Variants in CCSER1 observed in about 807,000 individuals in gnomAD.
CCSER1 encodes serine-rich coiled-coil domain-containing protein 1.
CCSER1 carries 41 observed loss-of-function variants against 82.0 expected under a neutral mutation model. That is an observed-to-expected ratio of 0.50 (90% CI 0.39 to 0.65). The LOEUF (loss-of-function observed/expected upper bound fraction) is 0.65. Among genes scored for constraint, CCSER1 ranks in the 30% least tolerant of loss-of-function variants. CCSER1 has a pLI of 0.00. For missense variants in CCSER1, 1,119 were observed against 1,064.2 expected, an observed-to-expected ratio of 1.05 and a Z score of -0.72; for synonymous variants, 414 against 383.9, an observed-to-expected ratio of 1.08 and a Z score of -0.92.
intron 10 of CCSER1, among the ~76,000 whole-genome samples, chr4:91,121,159 T>C (rs2148891312): frequency 6.6e-6 from 1 of 151,684 alleles, no homozygotes; most frequent in South Asian, 2.1e-4. Context: ...TAAATATTCA[T>C]CCCTCCCCTG....
chr4:91,450,035 A>C (rs1367841495), intron 10 of CCSER1, among the ~76,000 whole-genome samples: 1 of 151,972 alleles, frequency 6.6e-6, no homozygotes, highest in Non-Finnish European at 1.5e-5. Context: ...TATGTGATTT[A>C]TTTATTTGCT....
At chr4:90,848,283 G>A (rs1025316409) in intron 8 of CCSER1, among the ~76,000 whole-genome samples, 1 of 152,154 alleles carries the variant, frequency 6.6e-6, no homozygotes, top group Non-Finnish European at 1.5e-5. Context: ...TCAATTCCAT[G>A]TAAAATTGGT....
In CCSER1 at chr4:90,308,580, A is replaced by G; in HGVS notation, c.296A>G (p.Asn99Ser). The G allele has an allele frequency of 1.2e-6, 2 of 1,613,970 alleles. No individual in the cohort carries two copies. Among genetic ancestry groups the G allele is most frequent in the Non-Finnish European group, 8.5e-7 (1 of 1,179,874 alleles). ...AATGGTGCTCAACCTGGTCACAGCA[A>G]TATGCAGAAACTGAGTTTGGAAGAA... ...ISNGAQPGHS[N>S]MQKLSLEEHI... The change falls in exon 2 of 11, where the codon AAT becomes AGT. Residue 99 changes from asparagine to serine, a missense_variant. Asn to Ser is a conservative substitution (Grantham distance 46). Transcript: ENST00000509176.
In CCSER1 at chr4:91,413,192, C is replaced by T. The variant is rs552806973; in HGVS notation, c.2218-185380C>T. Among the ~76,000 whole-genome samples the T allele has an allele frequency of 2.8e-4, 43 of 152,142 alleles. No homozygotes were observed. The South Asian group carries it at 5.4e-3, about 19-fold the overall frequency. ...GCATGGTAGCTCACTCCTGTAATCC[C>T]GGCACTTTGGGAGACATAGGCATGA... On this transcript the variant is annotated intron_variant, in intron 10 of 10. Transcript: ENST00000509176.
chr4:91,514,020 T>C (rs1182550440), intron 10 of CCSER1, among the ~76,000 whole-genome samples: 2 of 152,074 alleles, frequency 1.3e-5, no homozygotes, highest in African/African-American at 2.4e-5. Context: ...TTTGTTCTTG[T>C]TTTTCCATTT....
At chr4:90,801,250 T>G (rs1756767533) in intron 7 of CCSER1, among the ~76,000 whole-genome samples, 1 of 152,194 alleles carries the variant, frequency 6.6e-6, no homozygotes, top group Admixed American at 6.5e-5. Context: ...GTTTTTCTTT[T>G]ATTTCATCTT....
At chr4:90,782,685 C>CTTTTTTTT (rs61457393) in intron 7 of CCSER1, among the ~76,000 whole-genome samples, 44 of 133,950 alleles carry the variant, frequency 3.3e-4, no homozygotes, top group Non-Finnish European at 4.5e-4. Flanking sequence ...TTCTTTCTTT[C>CTTTTTTTT]TTTTTTTTTT....
At chr4:91,285,938 A>G (rs894076398) in intron 10 of CCSER1, among the ~76,000 whole-genome samples, 6 of 151,230 alleles carry the variant, frequency 4.0e-5, no homozygotes, top group South Asian at 2.1e-4. Flanking sequence ...TAGAAATTTT[A>G]TAGTTGGTTC....
At chr4:90,222,761 ACT>A (rs754961788) in intron 1 of CCSER1, among the ~76,000 whole-genome samples, 2 of 152,012 alleles carry the variant, frequency 1.3e-5, no homozygotes, top group Non-Finnish European at 2.9e-5. Context: ...ATGAATACAA[ACT>A]CTTTCTGATT....
intron 5 of CCSER1, among the ~76,000 whole-genome samples, chr4:90,548,331 G>C (rs1777034859): frequency 6.6e-6 from 1 of 152,042 alleles, no homozygotes; most frequent in South Asian, 2.1e-4. Context: ...CCTTATCTGT[G>C]CACCACTCAT....
At position 91,266,315 on chromosome 4, in the gene CCSER1, T is replaced by C. The variant is rs537361737; in HGVS notation, c.2217+180321T>C. Reference sequence around the variant, plus strand: ...TGGCCCAGGCTGGTGTGCAGTGGCATGATCTCGGCTCACTGCAAGCTCCGC... The same window carrying C: ...TGGCCCAGGCTGGTGTGCAGTGGCACGATCTCGGCTCACTGCAAGCTCCGC... On this transcript the variant is annotated intron_variant, in intron 10 of 10. Coordinates refer to ENST00000509176, the MANE Select transcript of CCSER1 (RefSeq NM_001145065.2). Among the ~76,000 whole-genome samples, 502 of 151,984 alleles carry C rather than the reference T, an allele frequency of 3.3e-3. 1 individual carries two copies. Among genetic ancestry groups the C allele is most frequent in the Middle Eastern group, 0.014 (4 of 292 alleles).
intron 10 of CCSER1, among the ~76,000 whole-genome samples, chr4:91,299,238 AG>A (rs888279774): frequency 6.6e-6 from 1 of 152,036 alleles, no homozygotes; most frequent in African/African-American, 2.4e-5. Context: ...ACTGAATTAA[AG>A]CATACTTGTT....
At chr4:91,324,046 T>C (rs1746379175) in intron 10 of CCSER1, among the ~76,000 whole-genome samples, 1 of 152,208 alleles carries the variant, frequency 6.6e-6, no homozygotes, top group Non-Finnish European at 1.5e-5. Context: ...TATGATAATT[T>C]TGACTTCTTA....
At chr4:91,509,618 G>T (rs1759714265) in intron 10 of CCSER1, among the ~76,000 whole-genome samples, 1 of 152,050 alleles carries the variant, frequency 6.6e-6, no homozygotes, top group Non-Finnish European at 1.5e-5. Flanking sequence ...TCTTCCATGT[G>T]TTCACCTTCT....
intron 10 of CCSER1, among the ~76,000 whole-genome samples, chr4:91,492,820 A>G (rs1334106531): frequency 6.6e-6 from 1 of 152,096 alleles, no homozygotes; most frequent in Non-Finnish European, 1.5e-5. Context: ...ATTATTTTAT[A>G]GGATCATTCC....
intron 10 of CCSER1, among the ~76,000 whole-genome samples, chr4:91,527,467 A>T (rs1760822503): frequency 2.0e-5 from 3 of 152,188 alleles, no homozygotes; most frequent in Admixed American, 6.5e-5. Flanking sequence ...AAAGAAAGAG[A>T]TCAATAAAGG....
intron 1 of CCSER1, among the ~76,000 whole-genome samples, chr4:90,198,740 C>T (rs1046314310): frequency 6.6e-6 from 1 of 152,054 alleles, no homozygotes; most frequent in African/African-American, 2.4e-5. Context: ...TGATAATGTG[C>T]AAACCCATCC....
chr4:90,903,836 C>CAAAAA (rs34799713), intron 8 of CCSER1, among the ~76,000 whole-genome samples: 1 of 121,410 alleles, frequency 8.2e-6, no homozygotes, highest in Admixed American at 8.9e-5. Flanking sequence ...TACTCTGTCT[C>CAAAAA]AAAAAAAAAA....
At chr4:90,901,826 G>T (rs1724702743) in intron 8 of CCSER1, among the ~76,000 whole-genome samples, 1 of 151,712 alleles carries the variant, frequency 6.6e-6, no homozygotes, top group Non-Finnish European at 1.5e-5. Context: ...TCTTGTATTT[G>T]GATGTCAACC....
Sources: allele counts gnomAD v4.1 joint callset (sites outside exome capture counted in the v4.1 genomes callset), GRCh38; gene constraint gnomAD v4.1.1; transcripts MANE v1.5; gene names NCBI Gene and HGNC (gene_info 2026-07-23, HGNC 2026-07-21).